UNC13C: variants seen among roughly 807,000 people sequenced by gnomAD.
The protein encoded by UNC13C is protein unc-13 homolog C.
Under a neutral mutation model 245.4 loss-of-function variants are expected in UNC13C, and 174 were observed. The observed-to-expected ratio is 0.71, with a 90% CI of 0.63 to 0.80. UNC13C has a LOEUF of 0.80. UNC13C is among the 30% of genes least tolerant of loss of function. The probability of loss-of-function intolerance (pLI) is 0.00; values close to 1 mark genes in which losing one functional copy is unlikely to be tolerated. For missense variants in UNC13C, 2,829 were observed against 2,602.9 expected, an observed-to-expected ratio of 1.09 and a Z score of -1.89; for synonymous variants, 992 against 895.1, an observed-to-expected ratio of 1.11 and a Z score of -1.93.
chr15:54,387,521 C>A (rs2039864183), intron 17 of UNC13C, among the ~76,000 whole-genome samples: 1 of 152,076 alleles, frequency 6.6e-6, no homozygotes, highest in Non-Finnish European at 1.5e-5. Context: ...GGTTTCTTTA[C>A]TACATCCTGT....
the UNC13C span, among the ~76,000 whole-genome samples, chr15:53,910,475 A>C: frequency 6.8e-6 from 1 of 146,700 alleles, no homozygotes; most frequent in South Asian, 2.3e-4. Context: ...CCCTGTTGAC[A>C]CTGTGCACAA....
chr15:54,464,514 TA>T (rs1892061925), intron 19 of UNC13C, among the ~76,000 whole-genome samples: 1 of 152,162 alleles, frequency 6.6e-6, no homozygotes, highest in Admixed American at 6.5e-5. Context: ...TTGTATTTAA[TA>T]GACTTTTTCT....
In UNC13C at chr15:54,215,114, G is replaced by T. The variant is rs1029188005; in HGVS notation, c.3072-19916G>T. ...GTAATTGCAAGCTCTAGAAAAGTCT[G>T]TATTTTCTATTTGACAAACAATGTG... On this transcript the variant is annotated intron_variant, in intron 4 of 32. Transcript: ENST00000260323. Among the ~76,000 whole-genome samples the T allele has an allele frequency of 2.6e-5, 4 of 151,816 alleles. No homozygotes were observed. In the East Asian group the frequency reaches 7.7e-4, roughly 29 times the overall value.
intron 10 of UNC13C, among the ~76,000 whole-genome samples, chr15:54,266,954 G>A (rs898633448): frequency 6.6e-6 from 1 of 152,018 alleles, no homozygotes; most frequent in Non-Finnish European, 1.5e-5. Context: ...ATTATTTTGA[G>A]ATCCATCCAA....
chr15:54,467,878 G>A (rs1357235362), intron 19 of UNC13C, among the ~76,000 whole-genome samples: 1 of 151,628 alleles, frequency 6.6e-6, no homozygotes, highest in Non-Finnish European at 1.5e-5. Context: ...GATCACTTCA[G>A]TTGTTTCCCA....
At chr15:54,287,972 A>G (rs948395740) in intron 10 of UNC13C, among the ~76,000 whole-genome samples, 2 of 152,170 alleles carry the variant, frequency 1.3e-5, no homozygotes, top group African/African-American at 4.8e-5. Context: ...ATCTTTCTGT[A>G]GTCTCTTCAC....
the UNC13C span, among the ~76,000 whole-genome samples, chr15:53,956,189 G>A: frequency 6.6e-6 from 1 of 152,136 alleles, no homozygotes; most frequent in Non-Finnish European, 1.5e-5. Context: ...GGGAGGAGGA[G>A]AGGGGCAAGG....
At chr15:53,931,205 G>A in the UNC13C span, among the ~76,000 whole-genome samples, 1 of 151,958 alleles carries the variant, frequency 6.6e-6, no homozygotes, top group Non-Finnish European at 1.5e-5. Flanking sequence ...GTCTTGCTCT[G>A]TCACCCAGGC....
intron 13 of UNC13C, among the ~76,000 whole-genome samples, chr15:54,312,128 A>T (rs1192597462): frequency 6.6e-6 from 1 of 151,812 alleles, no homozygotes; most frequent in Non-Finnish European, 1.5e-5. Flanking sequence ...ACCAGAGATA[A>T]CACTATGATC....
At chr15:54,306,453 G>C (rs2037726163) in intron 13 of UNC13C, among the ~76,000 whole-genome samples, 2 of 151,968 alleles carry the variant, frequency 1.3e-5, no homozygotes, top group Non-Finnish European at 2.9e-5. Context: ...TGCATCATGG[G>C]GTGAGGCATA....
At chr15:54,214,486 G>A (rs1404855158) in intron 4 of UNC13C, among the ~76,000 whole-genome samples, 1 of 151,914 alleles carries the variant, frequency 6.6e-6, no homozygotes, top group Non-Finnish European at 1.5e-5. Flanking sequence ...GGGGTGGGCT[G>A]TGAAAGTCTG....
At chr15:54,020,270 CTTTTTTTCTTTTTTTT>C (rs1566955229) in intron 2 of UNC13C, among the ~76,000 whole-genome samples, 1 of 148,150 alleles carries the variant, frequency 6.7e-6, no homozygotes, top group South Asian at 2.1e-4. Flanking sequence ...TAATTTTTTT[CTTTTTTTCTTTTTTTT>C]TTTTTTGAGA....
rs200137468 is a variant in UNC13C at position 54,415,019 on chromosome 15, G to A, written c.4885G>A (p.Glu1629Lys). The change falls in exon 19 of 33, where the codon GAA becomes AAA. Residue 1629 changes from glutamate (E) to lysine (K), a missense_variant. Physicochemically the swap from Glu to Lys is moderately conservative, Grantham distance 56. Transcript: ENST00000260323. ...QELNMGKISA[E>K]IMWTLFALDM... is the part of the protein sequence containing the mutation. ...GCTGAACATGGGAAAAATAAGTGCC[G>A]AAATTATGTGGACTCTTTTTGCTCT... 5.6e-6 allele frequency: 9 copies of A among 1,612,672 alleles called. No individual in the cohort carries two copies. The highest frequency in any genetic ancestry group is 2.2e-5 in the South Asian group (2 of 90,926).
chr15:54,146,568 G>T (rs1275408956), intron 4 of UNC13C, among the ~76,000 whole-genome samples: 2 of 152,162 alleles, frequency 1.3e-5, no homozygotes, highest in Non-Finnish European at 2.9e-5. Flanking sequence ...GACAGGCTCT[G>T]GGGAAAAACT....
chr15:54,028,109 G>T (rs1291429130), intron 2 of UNC13C, among the ~76,000 whole-genome samples: 1 of 152,140 alleles, frequency 6.6e-6, no homozygotes, highest in East Asian at 1.9e-4. Flanking sequence ...TACCAGTAGT[G>T]GTGAACTTAC....
chr15:54,373,426 G>C (rs909933839), intron 17 of UNC13C, among the ~76,000 whole-genome samples: 1 of 152,156 alleles, frequency 6.6e-6, no homozygotes, highest in East Asian at 1.9e-4. Context: ...GCATGAAGCA[G>C]TGAGGGGTGT....
intron 2 of UNC13C, among the ~76,000 whole-genome samples, chr15:54,089,936 C>T (rs1044565024): frequency 6.6e-6 from 1 of 152,152 alleles, no homozygotes; most frequent in Non-Finnish European, 1.5e-5. Context: ...TGCTTCGGTC[C>T]TCAGTGGACT....
the UNC13C span, among the ~76,000 whole-genome samples, chr15:53,854,122 G>GTTTTTTTGTTTTTTTTTT: frequency 1.7e-4 from 23 of 133,566 alleles, 3 homozygotes; most frequent in Admixed American, 2.3e-4. Context: ...GTTTTTATAG[G>GTTTTTTTGTTTTTTTTTT]TTTTTTTTTT....
chr15:53,990,396 G>T (rs1313589881), intron 1 of UNC13C, among the ~76,000 whole-genome samples: 1 of 151,952 alleles, frequency 6.6e-6, no homozygotes, highest in Non-Finnish European at 1.5e-5. Flanking sequence ...GAATGAAGGG[G>T]CTCTTCTGTC....
Sources: gnomAD v4.1 joint callset for allele counts (sites outside exome capture counted in the v4.1 genomes callset) on GRCh38, gnomAD v4.1.1 for gene constraint, MANE v1.5 for transcripts, NCBI Gene and HGNC (gene_info 2026-07-23, HGNC 2026-07-21) for gene names.